DCP1A: variants seen among roughly 807,000 people sequenced by gnomAD.
DCP1A encodes the protein mRNA-decapping enzyme 1A.
In DCP1A, 20 loss-of-function variants were observed where a neutral mutation model predicts 58.0. The observed-to-expected ratio is 0.34, with a 90% confidence interval of 0.24 to 0.50. The LOEUF is 0.50. DCP1A is among the 20% of genes least tolerant of loss of function. The pLI is 0.98. For missense variants in DCP1A, 613 were observed against 712.2 expected (o/e 0.86, Z 1.59); for synonymous variants, 285 against 275.1 (o/e 1.04, Z -0.36).
intron 3 of DCP1A, among the ~76,000 whole-genome samples, chr3:53,332,605 CT>C (rs1433962166): frequency 2.0e-5 from 3 of 152,132 alleles, no homozygotes; most frequent in Non-Finnish European, 4.4e-5. Flanking sequence ...TGGCTCATGC[CT>C]GTAATCCCAG....
intron 3 of DCP1A, among the ~76,000 whole-genome samples, chr3:53,341,866 G>A (rs2089211064): frequency 6.6e-6 from 1 of 151,954 alleles, no homozygotes; most frequent in African/African-American, 2.4e-5. Flanking sequence ...TAGTAGATAC[G>A]GGGTTTCACC....
At chr3:53,312,443 T>G in intron 4 of DCP1A, 64 bp from the exon 5 acceptor site, 1 of 1,433,410 alleles carries the variant, frequency 7.0e-7, no homozygotes, top group Non-Finnish European at 9.3e-7. Context: ...AAGATTTCTT[T>G]TGGTGTTCAT....
At chr3:53,312,635 A>G (rs1553688803) in intron 4 of DCP1A, among the ~76,000 whole-genome samples, 1 of 151,242 alleles carries the variant, frequency 6.6e-6, no homozygotes, top group East Asian at 1.9e-4. Flanking sequence ...AGCTGGGACT[A>G]CAGCGCCCAC....
rs904084111 is a variant in DCP1A at position 53,344,499 on chromosome 3, A to C, written c.176+403T>G. Among the ~76,000 whole-genome samples the C allele has an allele frequency of 7.9e-5, 12 of 152,330 alleles. 1 individual carries two copies. Among genetic ancestry groups the C allele is most frequent in the African/African-American group, 1.7e-4 (7 of 41,576 alleles). ...AGGACAGAACCAGTCATAAAAGACA[A>C]CCACTCATGTAGTAATGAAAGAACA... On this transcript the variant is annotated intron_variant, in intron 2 of 9. Transcript: ENST00000610213.
intron 6 of DCP1A, among the ~76,000 whole-genome samples, chr3:53,293,388 G>A (rs1286603106): frequency 2.6e-5 from 4 of 152,046 alleles, no homozygotes; most frequent in Non-Finnish European, 4.4e-5. Flanking sequence ...TAGTAAGTTG[G>A]CTTATTGATA....
chr3:53,296,326 ACCT>A (rs1553686768), intron 6 of DCP1A, among the ~76,000 whole-genome samples: 2 of 152,136 alleles, frequency 1.3e-5, no homozygotes, highest in African/African-American at 4.8e-5. Context: ...GCTATTATAA[ACCT>A]CCTGGTCACT....
rs782397219 is a variant in DCP1A, at chr3:53,292,203, T to A, written c.1249A>T (p.Met417Leu). The change falls in exon 7 of 10, where the codon ATG (methionine) becomes TTG (leucine). Residue 417 changes from methionine (M) to leucine (L), a missense_variant. Physicochemically the swap from Met to Leu is conservative, Grantham distance 15. Around this residue, in one of 3 missense-constraint regions of DCP1A, gnomAD observed 498 missense variants for 556.7 expected, o/e 0.89. Coordinates refer to ENST00000610213, the MANE Select transcript of DCP1A (RefSeq NM_018403.7). ...GCTGCCGGAGAAAAGCTGGCTACCATTGCACCTTTCCCAAGTGGTTGTGTC... is the reference window on the plus strand; with the variant it reads ...GCTGCCGGAGAAAAGCTGGCTACCAATGCACCTTTCCCAAGTGGTTGTGTC... Reference protein sequence around the residue: ...IQTQPLGKGAMVASFSPAAGQ... With the variant: ...IQTQPLGKGALVASFSPAAGQ... The A allele has an allele frequency of 6.2e-7, 1 of 1,613,952 alleles. No individual in the cohort carries two copies. Among genetic ancestry groups the A allele is most frequent in the South Asian group, 1.1e-5 (1 of 91,080 alleles).
At chr3:53,312,414 T>C (rs1707674961) in intron 4 of DCP1A, 35 bp from the exon 5 acceptor site, 1 of 1,518,800 alleles carries the variant, frequency 6.6e-7, no homozygotes. Context: ...GAAAGGCCTC[T>C]TGAAACAAAA....
At chr3:53,314,839 T>G (rs571567054) in intron 4 of DCP1A, among the ~76,000 whole-genome samples, 1 of 151,920 alleles carries the variant, frequency 6.6e-6, no homozygotes, top group East Asian at 1.9e-4. Context: ...GCCCGGCTAA[T>G]TTTTGTATTT....
At chr3:53,294,333 G>A (rs782227007) in intron 6 of DCP1A, among the ~76,000 whole-genome samples, 2 of 152,208 alleles carry the variant, frequency 1.3e-5, no homozygotes, top group Non-Finnish European at 2.9e-5. Context: ...AATGGAAGGA[G>A]TTGGTGGCTG....
chr3:53,333,807 T>C (rs2089061390), intron 3 of DCP1A, among the ~76,000 whole-genome samples: 1 of 152,236 alleles, frequency 6.6e-6, no homozygotes, highest in South Asian at 2.1e-4. Context: ...TTCATCATTA[T>C]GTGGTAACTT....
At chr3:53,340,038 C>T (rs2089179146) in intron 3 of DCP1A, among the ~76,000 whole-genome samples, 1 of 152,160 alleles carries the variant, frequency 6.6e-6, no homozygotes, top group Admixed American at 6.6e-5. Context: ...ACTTTCCCAC[C>T]TCAGCCTCCT....
chr3:53,292,629 C>G lies in DCP1A; in HGVS notation c.823G>C (p.Gly275Arg). The change falls in exon 7 of 10, where the codon GGT becomes CGT. Residue 275 changes from glycine to arginine, a missense_variant. Physicochemically the swap from Gly to Arg is moderately radical, Grantham distance 125 (BLOSUM62 -2). This residue lies in a region of DCP1A where 498 missense variants were observed against 556.7 expected (regional missense o/e 0.89). Transcript: ENST00000610213. ...GAATGGTGGGCAGCAGAAGGGACACCCAGGGTTTCTGATTGAGGGGCTCCT... is the reference window on the plus strand; with the variant it reads ...GAATGGTGGGCAGCAGAAGGGACACGCAGGGTTTCTGATTGAGGGGCTCCT... ...LGGAPQSETLGVPSAAHHSVQ... is the reference protein window; with the variant it reads ...LGGAPQSETLRVPSAAHHSVQ... 1 of 1,613,546 alleles carries G rather than the reference C, an allele frequency of 6.2e-7. No individual in the cohort carries two copies. Among genetic ancestry groups the G allele is most frequent in the Non-Finnish European group, 8.5e-7 (1 of 1,179,762 alleles).
At chr3:53,303,264 G>C (rs1707367723) in intron 6 of DCP1A, among the ~76,000 whole-genome samples, 1 of 151,252 alleles carries the variant, frequency 6.6e-6, no homozygotes, top group Admixed American at 6.6e-5. Flanking sequence ...GGGTGTTACT[G>C]TTATTATTTT....
rs1008876699 is a variant in DCP1A, at chr3:53,287,226, A to T, written c.*354T>A. The T allele has an allele frequency of 5.3e-6, 1 of 187,674 alleles. No individual in the cohort carries two copies. The highest frequency in any genetic ancestry group is 1.1e-5 in the Non-Finnish European group (1 of 91,386). 11.6% of individuals were successfully genotyped at this position (187,674 alleles called of 1,614,324 possible). A position where few individuals can be genotyped will look rare whatever the true frequency, so the allele number is the denominator to read the frequency against. ...CTGAACTTCTGCTGTGAGGCTGGTG[A>T]CTACTCCTCTGTAAGTCCTTGAAAG... On this transcript the variant is annotated 3_prime_UTR_variant, in exon 10 of 10. Transcript: ENST00000610213.
intron 4 of DCP1A, among the ~76,000 whole-genome samples, chr3:53,318,418 A>C (rs1203897748): frequency 6.6e-6 from 1 of 152,192 alleles, no homozygotes; most frequent in Non-Finnish European, 1.5e-5. Flanking sequence ...GAGCAAAAGG[A>C]ATTTTGATTT....
At chr3:53,291,379 A>G (rs1706866883) in intron 7 of DCP1A, among the ~76,000 whole-genome samples, 1 of 151,734 alleles carries the variant, frequency 6.6e-6, no homozygotes, top group African/African-American at 2.4e-5. Flanking sequence ...TTAAATTATT[A>G]TGGACTATAA....
intron 5 of DCP1A, among the ~76,000 whole-genome samples, chr3:53,306,805 A>G (rs1226596796): frequency 6.6e-6 from 1 of 150,950 alleles, no homozygotes; most frequent in African/African-American, 2.4e-5. Context: ...AGCCTGACCA[A>G]CATGGTGGAG....
At chr3:53,325,840 A>C (rs1461150567) in intron 3 of DCP1A, among the ~76,000 whole-genome samples, 1 of 152,226 alleles carries the variant, frequency 6.6e-6, no homozygotes, top group Non-Finnish European at 1.5e-5. Flanking sequence ...ACGTGGGATC[A>C]TAACAGATTT....
Sources: allele counts gnomAD v4.1 joint callset (sites outside exome capture counted in the v4.1 genomes callset), GRCh38; gene constraint gnomAD v4.1.1; regional missense constraint gnomAD v4.1.1; transcripts MANE v1.5; gene names NCBI Gene and HGNC (gene_info 2026-07-23, HGNC 2026-07-21).